SPRTN: variants seen among roughly 807,000 people sequenced by gnomAD.
SPRTN encodes DNA-dependent metalloprotease SPRTN.
A neutral mutation model predicts 31.9 loss-of-function variants in SPRTN; 11 were observed. The ratio of observed to expected loss-of-function variants is 0.34; its 90% CI spans 0.22 to 0.57. The LOEUF is 0.57. SPRTN is among the 20% of genes least tolerant of loss of function. SPRTN has a pLI of 0.86. For missense variants in SPRTN, 482 were observed against 590.1 expected (o/e 0.82, Z 1.90); for synonymous variants, 185 against 212.1 (o/e 0.87, Z 1.11).
At chr1:231,342,133 A>G (rs1482946145) in intron 2 of SPRTN, among the ~76,000 whole-genome samples, 2 of 152,204 alleles carry the variant, frequency 1.3e-5, no homozygotes, top group African/African-American at 4.8e-5. Flanking sequence ...ATAAGCGGAA[A>G]AAAATAATAC....
chr1:231,349,591 T>A (rs1687161550), intron 3 of SPRTN, among the ~76,000 whole-genome samples: 1 of 152,224 alleles, frequency 6.6e-6, no homozygotes, highest in Admixed American at 6.5e-5. Flanking sequence ...ACTCCTTGCT[T>A]TTACAGGTTA....
chr1:231,349,336 T>C (rs1558366382), intron 3 of SPRTN, among the ~76,000 whole-genome samples: 1 of 152,140 alleles, frequency 6.6e-6, no homozygotes, highest in Non-Finnish European at 1.5e-5. Context: ...CTTCATTTCA[T>C]TATTAGACAC....
chr1:231,352,510 T>G, intron 4 of SPRTN, 100 bp from the exon 5 acceptor site: 2 of 1,493,262 alleles, frequency 1.3e-6, no homozygotes, highest in South Asian at 2.9e-5. Context: ...AAAATACTAG[T>G]TCTTCATTTT....
chr1:231,353,998 T>G lies in SPRTN; in HGVS notation c.*637T>G, dbSNP rs2102877369. ...GAATATAGTAAAATAAGTAAATTTCTTTTGGAATATTTTTAGTAACAAATA... is the reference window on the plus strand; with the variant it reads ...GAATATAGTAAAATAAGTAAATTTCGTTTGGAATATTTTTAGTAACAAATA... On this transcript the variant is annotated 3_prime_UTR_variant, in exon 5 of 5. Transcript: ENST00000295050. The G allele has an allele frequency of 1.1e-6, 1 of 938,506 alleles. No individual in the cohort carries two copies. The highest frequency in any genetic ancestry group is 1.2e-4 in the East Asian group (1 of 8,612). 58.1% of individuals were successfully genotyped at this position (938,506 alleles called of 1,614,324 possible). A position where few individuals can be genotyped will look rare whatever the true frequency, so the allele number is the denominator to read the frequency against.
chr1:231,344,826 G>A (rs1406281390), intron 2 of SPRTN: 30 of 246,588 alleles, frequency 1.2e-4, no homozygotes, highest in Non-Finnish European at 2.7e-5. Context: ...AGAAACTTGT[G>A]CATCTTTGGT....
chr1:231,352,139 A>C lies in SPRTN; in HGVS notation c.719-471A>C, dbSNP rs568945207. The C allele has an allele frequency of 1.4e-5, 14 of 989,410 alleles. No homozygotes were observed. In the South Asian group the frequency reaches 5.6e-4, roughly 39 times the overall value. The allele number at this position is 989,410 out of a possible 1,614,324, so 61.3% of individuals were successfully genotyped here. ...CCTGTGAAGTTCAGAGTTACTGAAG[A>C]TGCTTCTTCCCTTGGGAAGTTGTTG... On this transcript the variant is annotated intron_variant, in intron 4 of 4. Coordinates refer to ENST00000295050, the MANE Select transcript of SPRTN (RefSeq NM_032018.7).
In SPRTN at chr1:231,353,850, T is replaced by C. The variant is rs556780670; in HGVS notation, c.*489T>C. On this transcript the variant is annotated 3_prime_UTR_variant, in exon 5 of 5. Coordinates refer to ENST00000295050, the MANE Select transcript of SPRTN (RefSeq NM_032018.7). ...ATATTGTTTTAGAGTACTCAAATTG[T>C]ATTATTTATTAATTTTTTTGTTTGC... 339 of 953,718 alleles carry C rather than the reference T, an allele frequency of 3.6e-4. 1 individual carries two copies. The African/African-American group carries it at 5.6e-3, about 16-fold the overall frequency. The allele number at this position is 953,718 out of a possible 1,614,324, so 59.1% of individuals were successfully genotyped here. A position where few individuals can be genotyped will look rare whatever the true frequency, so the allele number is the denominator to read the frequency against.
In SPRTN at chr1:231,338,503, C is replaced by T. The variant is rs755918732; in HGVS notation, c.120C>T (p.Asp40=). Residue 40 remains aspartate, a synonymous_variant, in exon 1 of 5, where the codon GAC becomes GAT. Coordinates refer to ENST00000295050, the MANE Select transcript of SPRTN (RefSeq NM_032018.7). ...SLVDASWELV[D]PTPDLQALFV... ...TGGACGCGTCGTGGGAGTTGGTGGA[C>T]CCCACACCGGACTTGCAGGCACTGT... 4.3e-6 allele frequency: 7 copies of T among 1,614,246 alleles called. No individual in the cohort carries two copies. The highest frequency in any genetic ancestry group is 1.1e-5 in the South Asian group (1 of 91,092).
At chr1:231,343,194 T>TACTCTATAGCCTAGGTATATAC (rs1558363092) in intron 2 of SPRTN, among the ~76,000 whole-genome samples, 1 of 152,048 alleles carries the variant, frequency 6.6e-6, no homozygotes, top group Non-Finnish European at 1.5e-5. Context: ...TAGGTATATA[T>TACTCTATAGCCTAGGTATATAC]ACTCTATAGC....
At chr1:231,341,623 T>G (rs972338459) in intron 2 of SPRTN, among the ~76,000 whole-genome samples, 6 of 152,166 alleles carry the variant, frequency 3.9e-5, no homozygotes, top group Non-Finnish European at 8.8e-5. Context: ...TAAGCAACAA[T>G]ACATAATCTC....
intron 1 of SPRTN, chr1:231,339,535 G>A (rs1571988085): frequency 5.5e-6 from 4 of 720,752 alleles, no homozygotes; most frequent in Non-Finnish European, 9.8e-6. Context: ...CAAGCAGGGT[G>A]GTGAGAGCAC....
intron 2 of SPRTN, among the ~76,000 whole-genome samples, chr1:231,342,011 C>A (rs1686909348): frequency 6.6e-6 from 1 of 152,140 alleles, no homozygotes; most frequent in Non-Finnish European, 1.5e-5. Flanking sequence ...CTCCCAGGCC[C>A]AAGCAATCCT....
Position 231,354,135 on chromosome 1 carries a change from C to T in SPRTN, c.*774C>T. 1.0e-6 allele frequency: 1 copy of T among 985,166 alleles called. No homozygotes were observed. The highest frequency in any genetic ancestry group is 1.2e-6 in the Non-Finnish European group (1 of 829,754). 61.0% of individuals were successfully genotyped at this position (985,166 alleles called of 1,614,324 possible). ...AAGTAACTGATACATATAACATAAACATAACAAAGTTGCCTAGTTGATGTA... is the reference window on the plus strand; with the variant it reads ...AAGTAACTGATACATATAACATAAATATAACAAAGTTGCCTAGTTGATGTA... On this transcript the variant is annotated 3_prime_UTR_variant, in exon 5 of 5. Coordinates refer to ENST00000295050, the MANE Select transcript of SPRTN (RefSeq NM_032018.7).
Position 231,352,133 on chromosome 1 carries a change from C to A in SPRTN, c.719-477C>A, listed in dbSNP as rs889258650. On this transcript the variant is annotated intron_variant, in intron 4 of 4. Coordinates refer to ENST00000295050, the MANE Select transcript of SPRTN (RefSeq NM_032018.7). ...CCTTTTCCTGTGAAGTTCAGAGTTA[C>A]TGAAGATGCTTCTTCCCTTGGGAAG... The A allele has an allele frequency of 3.0e-6, 3 of 989,158 alleles. No individual in the cohort carries two copies. In the African/African-American group the frequency reaches 5.2e-5, roughly 17 times the overall value. 61.3% of individuals were successfully genotyped at this position (989,158 alleles called of 1,614,324 possible). A position where few individuals can be genotyped will look rare whatever the true frequency, so the allele number is the denominator to read the frequency against.
Position 231,345,119 on chromosome 1 carries a change from T to TTTTC in SPRTN, c.322-2662_322-2659dup, listed in dbSNP as rs199632267. Among the ~76,000 whole-genome samples the TTTTC allele has an allele frequency of 7.9e-5, 12 of 152,022 alleles. No individual in the cohort carries two copies. In the South Asian group the frequency reaches 1.0e-3, roughly 13 times the overall value. ...GTCTTTTTCTTTTTCTTTTCTTTTC[T>TTTTC]TTTCTTTCTTTCTTTCTTTGTTTCT... On this transcript the variant is annotated intron_variant, in intron 2 of 4. Coordinates refer to ENST00000295050, the MANE Select transcript of SPRTN (RefSeq NM_032018.7).
intron 1 of SPRTN, 162 bp from the exon 2 acceptor site, chr1:231,339,607 G>A: frequency 2.4e-6 from 2 of 829,810 alleles, no homozygotes; most frequent in Non-Finnish European, 4.0e-6. Flanking sequence ...CGCGGGGGTT[G>A]TAACTAATTA....
intron 2 of SPRTN, among the ~76,000 whole-genome samples, chr1:231,345,401 T>C (rs768603053): frequency 2.6e-5 from 4 of 152,250 alleles, no homozygotes; most frequent in Non-Finnish European, 4.4e-5. Flanking sequence ...GTGCGGGGAT[T>C]ACAGGCATGA....
intron 4 of SPRTN, chr1:231,352,145 C>T: frequency 4.0e-6 from 4 of 989,290 alleles, no homozygotes; most frequent in Non-Finnish European, 4.8e-6. Flanking sequence ...GAAGATGCTT[C>T]TTCCCTTGGG....
intron 2 of SPRTN, among the ~76,000 whole-genome samples, chr1:231,347,045 CTG>C (rs1553345281): frequency 6.6e-6 from 1 of 152,118 alleles, no homozygotes; most frequent in Non-Finnish European, 1.5e-5. Context: ...AGTTCTTAAC[CTG>C]TGATTTTCAG....
Sources: gnomAD v4.1 joint callset for allele counts (sites outside exome capture counted in the v4.1 genomes callset) on GRCh38, gnomAD v4.1.1 for gene constraint, MANE v1.5 for transcripts, NCBI Gene and HGNC (gene_info 2026-07-23, HGNC 2026-07-21) for gene names.